ODAM: variants seen among roughly 807,000 people sequenced by gnomAD.
ODAM encodes the protein odontogenic, ameloblast associated, also known as odontogenic ameloblast-associated protein.
In ODAM, 55 loss-of-function variants were observed where a neutral mutation model predicts 48.5. The observed-to-expected ratio is 1.13, with a 90% CI of 0.91 to 1.42. The LOEUF is 1.42. ODAM is among the 40% of genes most tolerant of loss of function. The pLI, the probability that ODAM is intolerant of heterozygous loss-of-function variation, is 0.00. For missense variants in ODAM, 353 were observed against 323.6 expected, an observed-to-expected ratio of 1.09 and a Z score of -0.70; for synonymous variants, 127 against 107.8, an observed-to-expected ratio of 1.18 and a Z score of -1.10.
intron 10 of ODAM, 80 bp from the exon 11 acceptor site, chr4:70,203,076 G>A: frequency 1.5e-6 from 2 of 1,376,432 alleles, no homozygotes; most frequent in Non-Finnish European, 2.0e-6. Flanking sequence ...GCCAAAACTT[G>A]TTTTTGATAA....
rs112509037 is a variant in ODAM at position 70,202,988 on chromosome 4, C to T, written c.810+71C>T. The stretch of plus-strand genomic sequence containing the variant: ...AAAAAATACAGTGATAAAATTAGTG[C>T]TTTAATTTATAGGACTTAGTCATGA... On this transcript the variant is annotated intron_variant, in intron 10 of 11. Coordinates refer to ENST00000683306, the MANE Select transcript of ODAM (RefSeq NM_017855.4). 71 of 1,447,172 alleles carry T rather than the reference C, an allele frequency of 4.9e-5. No homozygotes were observed. In the African/African-American group the frequency reaches 7.2e-4, roughly 15 times the overall value. 89.6% of individuals were successfully genotyped at this position (1,447,172 alleles called of 1,614,324 possible). A position where few individuals can be genotyped will look rare whatever the true frequency, so the allele number is the denominator to read the frequency against.
chr4:70,196,658 C>G, intron 2 of ODAM, 34 bp from the exon 3 acceptor site: 14 of 1,601,570 alleles, frequency 8.7e-6, no homozygotes, highest in Non-Finnish European at 1.2e-5. Flanking sequence ...CTTCTTTTTA[C>G]TATTTCTGAT....
At chr4:70,203,962 T>C (rs540086759) in intron 11 of ODAM, among the ~76,000 whole-genome samples, 20 of 152,132 alleles carry the variant, frequency 1.3e-4, no homozygotes, top group Admixed American at 3.9e-4. Flanking sequence ...GAAAGCCTCC[T>C]TACTAATGTA....
chr4:70,199,030 G>T (rs533273870), intron 6 of ODAM, among the ~76,000 whole-genome samples: 1 of 151,926 alleles, frequency 6.6e-6, no homozygotes, highest in African/African-American at 2.4e-5. Context: ...ATGATATGAT[G>T]TAGAGATAAG....
At chr4:70,198,735 T>C in intron 6 of ODAM, 109 bp downstream of exon 6, 1 of 839,960 alleles carries the variant, frequency 1.2e-6, no homozygotes, top group South Asian at 1.5e-5. Flanking sequence ...ACCTATATAA[T>C]GATATCACTG....
At chr4:70,200,394 T>C (rs1729469582) in intron 6 of ODAM, 103 bp from the exon 7 acceptor site, 1 of 616,134 alleles carries the variant, frequency 1.6e-6, no homozygotes, top group Non-Finnish European at 2.8e-6. Context: ...ATAAAGCTGC[T>C]AGACATAAAA....
At chr4:70,196,011 A>G (rs1304362733) in intron 1 of ODAM, among the ~76,000 whole-genome samples, 1 of 152,022 alleles carries the variant, frequency 6.6e-6, no homozygotes, top group East Asian at 1.9e-4. Flanking sequence ...ATAAATTACA[A>G]AAACATTGAC....
chr4:70,197,068 A>G (rs898101075), intron 3 of ODAM, among the ~76,000 whole-genome samples: 1 of 152,068 alleles, frequency 6.6e-6, no homozygotes, highest in Non-Finnish European at 1.5e-5. Flanking sequence ...CTCATACCCA[A>G]CAGAGGAGAG....
At chr4:70,200,673 GA>G (rs1729476584) in intron 7 of ODAM, 72 bp downstream of exon 7, 10 of 986,238 alleles carry the variant, frequency 1.0e-5, no homozygotes, top group East Asian at 5.2e-5. Flanking sequence ...TATTACCATA[GA>G]AAAAAAGTTT....
Position 70,195,752 on chromosome 4 carries a change from T to C in ODAM, c.-57T>C, listed in dbSNP as rs1443975326. 1 of 983,944 alleles carries C rather than the reference T, an allele frequency of 1.0e-6. No individual in the cohort carries two copies. The highest frequency in any genetic ancestry group is 1.2e-6 in the Non-Finnish European group (1 of 828,872). The allele number at this position is 983,944 out of a possible 1,614,324, so 61.0% of individuals were successfully genotyped here. A position where few individuals can be genotyped will look rare whatever the true frequency, so the allele number is the denominator to read the frequency against. On this transcript the variant is annotated 5_prime_UTR_variant, in exon 1 of 12. Transcript: ENST00000683306. The stretch of plus-strand genomic sequence containing the variant: ...AGCTGAGAGAGGAAAAGAACACAGA[T>C]CTCGCATGGTTCAGATTTTTCTTTT...
At chr4:70,201,409 G>A (rs752555440) in intron 7 of ODAM, 45 bp from the exon 8 acceptor site, 2 of 947,872 alleles carry the variant, frequency 2.1e-6, no homozygotes, top group East Asian at 2.6e-5. Context: ...CTTACGACAA[G>A]AATAATCACA....
intron 8 of ODAM, among the ~76,000 whole-genome samples, chr4:70,201,793 G>A (rs1314791398): frequency 1.3e-5 from 2 of 151,844 alleles, no homozygotes; most frequent in African/African-American, 2.4e-5. Context: ...TCAAAAGTAG[G>A]GTAGCTCTAT....
intron 1 of ODAM, 91 bp downstream of exon 1, chr4:70,195,884 A>T: frequency 8.5e-6 from 3 of 351,932 alleles, no homozygotes; most frequent in African/African-American, 2.2e-5. Flanking sequence ...TAAATGCTTG[A>T]TTAGGTCAAT....
chr4:70,196,042 T>C (rs1343391974), intron 1 of ODAM, among the ~76,000 whole-genome samples: 2 of 152,044 alleles, frequency 1.3e-5, no homozygotes, highest in Non-Finnish European at 2.9e-5. Context: ...AGTTCTAGTA[T>C]ATTATTCTGT....
At chr4:70,196,058 GACT>G (rs1729351105) in intron 1 of ODAM, among the ~76,000 whole-genome samples, 1 of 151,934 alleles carries the variant, frequency 6.6e-6, no homozygotes, top group African/African-American at 2.4e-5. Context: ...TCTGTTATTA[GACT>G]ACTAAGTGGA....
At chr4:70,203,997 T>C (rs896549137) in intron 11 of ODAM, among the ~76,000 whole-genome samples, 178 bp from the exon 12 acceptor site, 17 of 152,020 alleles carry the variant, frequency 1.1e-4, no homozygotes, top group African/African-American at 2.4e-5. Context: ...GCAAATCAAG[T>C]TATTCAGTAA....
At chr4:70,201,758 G>A (rs1252764878) in intron 8 of ODAM, among the ~76,000 whole-genome samples, 1 of 151,920 alleles carries the variant, frequency 6.6e-6, no homozygotes, top group South Asian at 2.1e-4. Context: ...CAAAGAAGTG[G>A]TTGTTCACTC....
In ODAM at chr4:70,198,117, A is replaced by G; in HGVS notation, c.335A>G (p.Gln112Arg). The change falls in exon 5 of 12, where the codon CAG becomes CGG. Residue 112 changes from glutamine (Q) to arginine (R), a missense_variant. Gln to Arg is a conservative substitution (Grantham distance 43). Coordinates refer to ENST00000683306, the MANE Select transcript of ODAM (RefSeq NM_017855.4). ...CAGGCAGGCCAAGTTGATCCCTTAC[A>G]GCTTCAAACACCGCCTCAGACACAA... Reference protein sequence around the residue: ...GAQAGQVDPLQLQTPPQTQPG... With the variant: ...GAQAGQVDPLRLQTPPQTQPG... 1 of 1,613,238 alleles carries G rather than the reference A, an allele frequency of 6.2e-7. No homozygotes were observed. The highest frequency in any genetic ancestry group is 8.5e-7 in the Non-Finnish European group (1 of 1,179,522).
chr4:70,196,596 T>C lies in ODAM; in HGVS notation c.51+2T>C. 2 of 1,597,406 alleles carry C rather than the reference T, an allele frequency of 1.3e-6. No individual in the cohort carries two copies. Among genetic ancestry groups the C allele is most frequent in the Non-Finnish European group, 1.7e-6 (2 of 1,167,468 alleles). On this transcript the variant is annotated splice_donor_variant, in intron 2 of 11. Transcript: ENST00000683306. LOFTEE classifies it high-confidence loss of function. Reference sequence around the variant, plus strand: ...CTGGGAGCCACATTGTCAGCCCCAGTAAGTGATTTTATGGCACTACTAGTC... The same window carrying C: ...CTGGGAGCCACATTGTCAGCCCCAGCAAGTGATTTTATGGCACTACTAGTC...
Sources: gnomAD v4.1 joint callset for allele counts (sites outside exome capture counted in the v4.1 genomes callset) on GRCh38, gnomAD v4.1.1 for gene constraint, MANE v1.5 for transcripts, NCBI Gene and HGNC (gene_info 2026-07-23, HGNC 2026-07-21) for gene names.